Variants in CDH13 observed in about 807,000 individuals in gnomAD.
CDH13 encodes cadherin 13.
In CDH13, 24 loss-of-function variants were observed where a neutral mutation model predicts 63.8. That is an observed-to-expected ratio of 0.38 (90% confidence interval 0.27 to 0.53). CDH13 has a LOEUF of 0.53. Ranked by LOEUF, CDH13 falls within the 20% of genes least tolerant of loss-of-function variation. The probability of loss-of-function intolerance (pLI) is 0.85; values close to 1 mark genes in which losing one functional copy is unlikely to be tolerated. For synonymous variants in CDH13, 503 were observed against 355.3 expected (o/e 1.42, Z -4.67); for missense variants, 1,049 against 903.1 (o/e 1.16, Z -2.07).
intron 5 of CDH13, among the ~76,000 whole-genome samples, chr16:83,323,676 C>T (rs1274283952): frequency 1.3e-5 from 2 of 152,150 alleles, no homozygotes; most frequent in African/African-American, 2.4e-5. Context: ...ATTTTATTTT[C>T]TACCTGTCTG....
chr16:82,846,387 A>T (rs947301959), intron 1 of CDH13, among the ~76,000 whole-genome samples: 2 of 152,054 alleles, frequency 1.3e-5, no homozygotes, highest in Non-Finnish European at 2.9e-5. Flanking sequence ...TATCAATATA[A>T]ATAATAACTA....
chr16:83,544,196 C>A (rs1283967012), intron 7 of CDH13, among the ~76,000 whole-genome samples: 2 of 152,136 alleles, frequency 1.3e-5, no homozygotes, highest in African/African-American at 4.8e-5. Flanking sequence ...GAAGAGGAGT[C>A]TCCAGCACTG....
At chr16:82,909,520 G>A (rs1282066912) in intron 2 of CDH13, among the ~76,000 whole-genome samples, 1 of 152,124 alleles carries the variant, frequency 6.6e-6, no homozygotes, top group African/African-American at 2.4e-5. Context: ...AATTTATAAA[G>A]AAAATAGTTT....
At chr16:82,935,402 A>G (rs894588372) in intron 2 of CDH13, among the ~76,000 whole-genome samples, 1 of 152,236 alleles carries the variant, frequency 6.6e-6, no homozygotes, top group African/African-American at 2.4e-5. Context: ...GGGTGGGGAC[A>G]TAAAGCCAGA....
intron 10 of CDH13, among the ~76,000 whole-genome samples, chr16:83,747,172 G>A (rs1193760019): frequency 6.6e-5 from 10 of 152,164 alleles, no homozygotes; most frequent in East Asian, 1.9e-4. Flanking sequence ...TTGCCCTCGC[G>A]TAACCTACAT....
At chr16:82,731,256 A>G (rs2033389201) in intron 1 of CDH13, among the ~76,000 whole-genome samples, 1 of 152,198 alleles carries the variant, frequency 6.6e-6, no homozygotes, top group Non-Finnish European at 1.5e-5. Context: ...GCAATTACTC[A>G]ACCCTGCAGC....
intron 2 of CDH13, among the ~76,000 whole-genome samples, chr16:83,031,175 T>C (rs938560075): frequency 6.9e-6 from 1 of 144,566 alleles, no homozygotes; most frequent in African/African-American, 2.5e-5. Context: ...GGTATATACA[T>C]GCGCATGTAT....
At chr16:82,706,909 T>G (rs754133132) in intron 1 of CDH13, among the ~76,000 whole-genome samples, 6 of 152,250 alleles carry the variant, frequency 3.9e-5, no homozygotes, top group Non-Finnish European at 5.9e-5. Context: ...ACCAATGTTT[T>G]TACGAATATT....
intron 6 of CDH13, among the ~76,000 whole-genome samples, chr16:83,457,161 C>T (rs765530797): frequency 3.3e-5 from 5 of 152,228 alleles, no homozygotes; most frequent in South Asian, 2.1e-4. Flanking sequence ...ATGACCTTGG[C>T]GAGCTCCGCA....
chr16:82,785,781 C>T (rs780860002), intron 1 of CDH13, among the ~76,000 whole-genome samples: 24 of 152,264 alleles, frequency 1.6e-4, no homozygotes, highest in East Asian at 3.9e-4. Context: ...TATAAAGTCG[C>T]GGTACCGCAA....
At chr16:82,927,112 A>G (rs576371090) in intron 2 of CDH13, among the ~76,000 whole-genome samples, 6 of 152,246 alleles carry the variant, frequency 3.9e-5, no homozygotes, top group Non-Finnish European at 8.8e-5. Context: ...GTATCCACAC[A>G]TGGCCTCTCC....
At chr16:83,635,121 T>C (rs1425665399) in intron 8 of CDH13, among the ~76,000 whole-genome samples, 1 of 152,166 alleles carries the variant, frequency 6.6e-6, no homozygotes, top group African/African-American at 2.4e-5. Flanking sequence ...CTGTTCAGCA[T>C]ATAGTAATAG....
At chr16:82,744,305 C>T (rs1279844530) in intron 1 of CDH13, among the ~76,000 whole-genome samples, 1 of 152,146 alleles carries the variant, frequency 6.6e-6, no homozygotes, top group African/African-American at 2.4e-5. Flanking sequence ...TCTGCCTGGG[C>T]CTCTATTTTT....
rs59264958 is a variant in CDH13, at chr16:82,946,992, A to G, written c.158-85018A>G. Among the ~76,000 whole-genome samples the G allele has an allele frequency of 3.8e-3, 541 of 141,158 alleles. 7 individuals carry two copies. The highest frequency in any genetic ancestry group is 0.014 in the African/African-American group (521 of 38,530). 92.6% of individuals were successfully genotyped at this position (141,158 alleles called of 152,430 possible). ...AATAACACTAGGCCAAAGTCTTTAT[A>G]AGTGCGCACGCCTGTGTGTGTGTGT... On this transcript the variant is annotated intron_variant, in intron 2 of 13. Transcript: ENST00000567109.
intron 8 of CDH13, among the ~76,000 whole-genome samples, chr16:83,663,427 C>T (rs373092334): frequency 2.0e-5 from 3 of 152,122 alleles, no homozygotes; most frequent in East Asian, 1.9e-4. Flanking sequence ...CAGTTGAGTC[C>T]ACTTTCCTTT....
At chr16:83,044,084 T>A (rs547781857) in intron 3 of CDH13, among the ~76,000 whole-genome samples, 1 of 152,340 alleles carries the variant, frequency 6.6e-6, no homozygotes, top group South Asian at 2.1e-4. Flanking sequence ...TCCTACCACA[T>A]GTTAGAACAT....
chr16:83,386,625 G>C (rs747003415), intron 6 of CDH13, among the ~76,000 whole-genome samples: 7 of 152,190 alleles, frequency 4.6e-5, no homozygotes, highest in Non-Finnish European at 1.0e-4. Flanking sequence ...ACCCTTGCTA[G>C]TTGTGGTCAC....
At chr16:83,271,914 C>A (rs1332816217) in intron 5 of CDH13, among the ~76,000 whole-genome samples, 1 of 152,146 alleles carries the variant, frequency 6.6e-6, no homozygotes, top group Non-Finnish European at 1.5e-5. Flanking sequence ...CTAAGTGATC[C>A]ATATGAAGAT....
At chr16:82,811,734 G>A (rs2037455122) in intron 1 of CDH13, among the ~76,000 whole-genome samples, 1 of 152,116 alleles carries the variant, frequency 6.6e-6, no homozygotes, top group Admixed American at 6.5e-5. Flanking sequence ...AGGTGTATAT[G>A]GAATTGGAAA....
Sources: gnomAD v4.1 joint callset for allele counts (sites outside exome capture counted in the v4.1 genomes callset) on GRCh38, gnomAD v4.1.1 for gene constraint, MANE v1.5 for transcripts, NCBI Gene and HGNC (gene_info 2026-07-23, HGNC 2026-07-21) for gene names.